DOCK1: variants seen among roughly 807,000 people sequenced by gnomAD.
The protein encoded by DOCK1 is dedicator of cytokinesis protein 1.
A neutral mutation model predicts 262.7 loss-of-function variants in DOCK1; 138 were observed. The ratio of observed to expected loss-of-function variants is 0.53; its 90% CI spans 0.46 to 0.61. DOCK1 has a LOEUF of 0.61. Among genes scored for constraint, DOCK1 ranks in the 20% least tolerant of loss-of-function variants. The pLI, the probability that DOCK1 is intolerant of heterozygous loss-of-function variation, is 0.00. For synonymous variants in DOCK1, 866 were observed against 867.4 expected, an observed-to-expected ratio of 1.00 and a Z score of 0.03; for missense variants, 1,908 against 2,370.7, an observed-to-expected ratio of 0.80 and a Z score of 4.05.
At chr10:127,065,354 C>T (rs2045799812) in intron 23 of DOCK1, among the ~76,000 whole-genome samples, 1 of 152,170 alleles carries the variant, frequency 6.6e-6, no homozygotes, top group South Asian at 2.1e-4. Flanking sequence ...CAAGGTTCTA[C>T]CAGGTGGTGG....
In DOCK1 at chr10:126,970,688, T is replaced by G. The variant is rs760591960; in HGVS notation, c.47-14T>G. 5.0e-6 allele frequency: 8 copies of G among 1,598,392 alleles called. No individual in the cohort carries two copies. The highest frequency in any genetic ancestry group is 6.9e-6 in the Non-Finnish European group (8 of 1,166,486). On this transcript the variant is annotated splice_polypyrimidine_tract_variant and intron_variant, in intron 1 of 51. Transcript: ENST00000623213. The stretch of plus-strand genomic sequence containing the variant: ...TTTACTATTACTAATATATTTCCCC[T>G]TTTTTCATCACAGCTTTTTATAACT...
intron 27 of DOCK1, chr10:127,146,181 G>A: frequency 2.9e-6 from 1 of 350,236 alleles, no homozygotes; most frequent in East Asian, 9.0e-5. Context: ...ATTGGTAAAT[G>A]CCTCCTTAAC....
rs368301695 is a variant in DOCK1 at position 127,404,372 on chromosome 10, C to T, written c.4065C>T (p.Pro1355=). The change falls in exon 40 of 52, where the codon CCC becomes CCT. Residue 1355 remains proline, a synonymous_variant. Coordinates refer to ENST00000623213, the MANE Select transcript of DOCK1 (RefSeq NM_001290223.2). ...FYENIVKVIR[P]KPDYFAVGYY... ...AAAACATCGTCAAAGTGATCAGGCC[C>T]AAGCCTGACTATTTTGCTGTTGGCT... The T allele has an allele frequency of 2.2e-5, 35 of 1,613,944 alleles. 1 individual carries two copies. The African/African-American group carries it at 4.0e-4, about 18-fold the overall frequency.
intron 27 of DOCK1, among the ~76,000 whole-genome samples, chr10:127,189,815 C>T (rs368942287): frequency 3.3e-5 from 5 of 152,132 alleles, no homozygotes; most frequent in Middle Eastern, 3.4e-3. Context: ...GTGTGATTTA[C>T]GCAAGGAAAA....
At chr10:126,933,803 G>A (rs2034356148) in intron 1 of DOCK1, among the ~76,000 whole-genome samples, 1 of 152,106 alleles carries the variant, frequency 6.6e-6, no homozygotes, top group Non-Finnish European at 1.5e-5. Flanking sequence ...TTATAATAGT[G>A]AATTTGAAGC....
intron 1 of DOCK1, among the ~76,000 whole-genome samples, chr10:126,936,971 G>A (rs1179994134): frequency 1.3e-5 from 2 of 152,004 alleles, no homozygotes; most frequent in East Asian, 3.9e-4. Context: ...CTAGCCTCTG[G>A]CAGCCACCAT....
chr10:127,393,169 A>G lies in DOCK1; in HGVS notation c.3927+8260A>G, dbSNP rs1249463538. On this transcript the variant is annotated intron_variant, in intron 38 of 51. Coordinates refer to ENST00000623213, the MANE Select transcript of DOCK1 (RefSeq NM_001290223.2). The stretch of plus-strand genomic sequence containing the variant: ...TTACATGTATTTCATTTTAGGGGAA[A>G]CAACGCAATTCCAGTTTTACAAATG... Among the ~76,000 whole-genome samples, 4 of 152,154 alleles carry G rather than the reference A, an allele frequency of 2.6e-5. No individual in the cohort carries two copies. In the East Asian group the frequency reaches 7.7e-4, roughly 29 times the overall value.
intron 47 of DOCK1, among the ~76,000 whole-genome samples, chr10:127,426,493 G>A (rs2068825913): frequency 1.3e-5 from 2 of 152,210 alleles, no homozygotes; most frequent in Non-Finnish European, 2.9e-5. Context: ...AACATCTGGA[G>A]TGTGAAATTA....
At position 127,074,963 on chromosome 10, in the gene DOCK1, A is replaced by T. The variant is rs188659464; in HGVS notation, c.2445+13187A>T. 3.9e-5 allele frequency among the ~76,000 whole-genome samples: 6 copies of T among 152,090 alleles called. No homozygotes were observed. The East Asian group carries it at 9.7e-4, about 25-fold the overall frequency. ...GATCACCTGAGGTTGGGAGTTCGAG[A>T]CTAGCCTGACCAACTGACCAACATG... On this transcript the variant is annotated intron_variant, in intron 23 of 51. Coordinates refer to ENST00000623213, the MANE Select transcript of DOCK1 (RefSeq NM_001290223.2).
chr10:127,294,478 C>G (rs915735784), intron 29 of DOCK1, among the ~76,000 whole-genome samples: 1 of 151,528 alleles, frequency 6.6e-6, no homozygotes, highest in East Asian at 2.0e-4. Context: ...CTCGTCACCA[C>G]GCCAGGCTGA....
rs1430250302 is a variant in DOCK1, at chr10:127,452,072, A to G, written c.*645A>G. 2.0e-5 allele frequency: 3 copies of G among 152,738 alleles called. No individual in the cohort carries two copies. The East Asian group carries it at 5.8e-4, about 29-fold the overall frequency. 9.5% of individuals were successfully genotyped at this position (152,738 alleles called of 1,614,324 possible). ...TAAGAATACTGAATCAAATGGAAAA[A>G]CAAATGAATACAGGAAGATAAGTGT... On this transcript the variant is annotated 3_prime_UTR_variant, in exon 52 of 52. Transcript: ENST00000623213.
intron 50 of DOCK1, among the ~76,000 whole-genome samples, chr10:127,447,104 G>T (rs556304300): frequency 1.1e-4 from 17 of 152,122 alleles, no homozygotes; most frequent in Non-Finnish European, 2.5e-4. Flanking sequence ...AGAAGAGGCC[G>T]GGGTGAACAT....
intron 44 of DOCK1, 74 bp from the exon 45 acceptor site, chr10:127,418,291 G>GAAAGGT: frequency 1.4e-6 from 2 of 1,451,688 alleles, no homozygotes; most frequent in Non-Finnish European, 1.8e-6. Context: ...CCCAGAGCAC[G>GAAAGGT]TGGCTCCTCT....
chr10:126,976,711 A>G (rs1196920906), intron 2 of DOCK1, among the ~76,000 whole-genome samples: 45 of 150,846 alleles, frequency 3.0e-4, no homozygotes, highest in Non-Finnish European at 4.4e-5. Context: ...CTTTGTTCCT[A>G]TGGGGCAGAG....
intron 13 of DOCK1, 166 bp downstream of exon 13, chr10:127,019,001 C>T (rs112851527): frequency 1.1e-4 from 121 of 1,072,080 alleles, no homozygotes; most frequent in Admixed American, 4.3e-4. Context: ...GGGCTGTGAC[C>T]GGAGTGGTAG....
At chr10:127,262,187 T>C (rs1169532169) in intron 29 of DOCK1, among the ~76,000 whole-genome samples, 1 of 140,958 alleles carries the variant, frequency 7.1e-6, no homozygotes, top group Admixed American at 7.1e-5. Flanking sequence ...TGTGTGTGTG[T>C]GTACCCGTGC....
intron 30 of DOCK1, among the ~76,000 whole-genome samples, chr10:127,343,238 C>A (rs1366152289): frequency 2.0e-5 from 3 of 152,162 alleles, no homozygotes; most frequent in Non-Finnish European, 2.9e-5. Flanking sequence ...GAGGGAGACT[C>A]CATCTCAATA....
intron 27 of DOCK1, among the ~76,000 whole-genome samples, chr10:127,172,813 A>C (rs2133855105): frequency 6.6e-6 from 1 of 152,258 alleles, no homozygotes; most frequent in East Asian, 1.9e-4. Context: ...ATGCTTAAGA[A>C]CCAGGCACTG....
chr10:127,000,290 G>A lies in DOCK1; in HGVS notation c.968G>A (p.Arg323Gln), dbSNP rs563537294. ...AGGAAACTGACCTCGGGGTTGCGGC[G>A]ACCTTTTGGAGTGGCTGGTAATCTA... ...NTRKLTSGLR[R>Q]PFGVAVMDVT... The change falls in exon 10 of 52, where the codon CGA becomes CAA. Residue 323 changes from arginine to glutamine, a missense_variant. Around this residue, in one of 9 missense-constraint regions of DOCK1, gnomAD observed 102 missense variants for 154.9 expected, o/e 0.66. Transcript: ENST00000623213. The A allele has an allele frequency of 2.5e-6, 4 of 1,613,958 alleles. No individual in the cohort carries two copies. Among genetic ancestry groups the A allele is most frequent in the South Asian group, 1.1e-5 (1 of 91,052 alleles).
Sources: gnomAD v4.1 joint callset for allele counts (sites outside exome capture counted in the v4.1 genomes callset) on GRCh38, gnomAD v4.1.1 for gene constraint, gnomAD v4.1.1 regional missense constraint, MANE v1.5 for transcripts, NCBI Gene and HGNC (gene_info 2026-07-23, HGNC 2026-07-21) for gene names.